TENM4: variants seen among roughly 807,000 people sequenced by gnomAD.
The protein encoded by TENM4 is teneurin-4.
In TENM4, 82 loss-of-function variants were observed where a neutral mutation model predicts 243.3. The ratio of observed to expected loss-of-function variants is 0.34; its 90% CI spans 0.28 to 0.40. The LOEUF is 0.40. Ranked by LOEUF, TENM4 falls within the 10% of genes least tolerant of loss-of-function variation. TENM4 has a pLI of 1.00. For missense variants in TENM4, 3,138 were observed against 3,673.3 expected, an observed-to-expected ratio of 0.85 and a Z score of 3.77; for synonymous variants, 1,412 against 1,456.3, an observed-to-expected ratio of 0.97 and a Z score of 0.69.
chr11:79,282,415 A>G (rs1052737907), intron 2 of TENM4, among the ~76,000 whole-genome samples: 1 of 152,216 alleles, frequency 6.6e-6, no homozygotes, highest in African/African-American at 2.4e-5. Context: ...TGCTGAATAA[A>G]TGAATGGCCA....
At chr11:78,755,304 A>G (rs999296760) in intron 19 of TENM4, among the ~76,000 whole-genome samples, 5 of 152,026 alleles carry the variant, frequency 3.3e-5, no homozygotes, top group Non-Finnish European at 7.4e-5. Context: ...AGCTGGGAGT[A>G]TAGGTACCTG....
intron 2 of TENM4, among the ~76,000 whole-genome samples, chr11:79,280,640 C>A (rs1294443596): frequency 6.6e-6 from 1 of 152,232 alleles, no homozygotes; most frequent in African/African-American, 2.4e-5. Flanking sequence ...CGTGTCCCTG[C>A]CTCCAAGCCT....
At chr11:79,169,249 T>C (rs1328659339) in intron 3 of TENM4, among the ~76,000 whole-genome samples, 1 of 152,164 alleles carries the variant, frequency 6.6e-6, no homozygotes, top group Non-Finnish European at 1.5e-5. Flanking sequence ...AAGTTTTGGG[T>C]AGTTTGTTAC....
rs185577532 is a variant in TENM4, at chr11:79,392,255, T to G, written c.-321+48254A>C. Reference sequence around the variant, plus strand: ...TTATGATGTTTGCTCACAGGGAAGTTCTGGGCAGAAACAGAAGACATGAGC... The same window carrying G: ...TTATGATGTTTGCTCACAGGGAAGTGCTGGGCAGAAACAGAAGACATGAGC... On this transcript the variant is annotated intron_variant, in intron 1 of 33. Coordinates refer to ENST00000278550, the MANE Select transcript of TENM4 (RefSeq NM_001098816.3). Among the ~76,000 whole-genome samples, 5 of 152,282 alleles carry G rather than the reference T, an allele frequency of 3.3e-5. 1 individual carries two copies. The highest frequency in any genetic ancestry group is 3.3e-4 in the Admixed American group (5 of 15,292).
chr11:78,692,737 A>G (rs1381958709), intron 28 of TENM4, among the ~76,000 whole-genome samples: 2 of 152,050 alleles, frequency 1.3e-5, no homozygotes, highest in Non-Finnish European at 1.5e-5. Flanking sequence ...TTCTCCCTGT[A>G]TCTGCTTCTG....
chr11:78,910,174 T>A (rs756728043), intron 6 of TENM4, among the ~76,000 whole-genome samples: 16 of 152,176 alleles, frequency 1.1e-4, no homozygotes, highest in Non-Finnish European at 2.1e-4. Flanking sequence ...GGTGCCAGGC[T>A]GAGTGCCCAC....
At chr11:79,101,452 G>T (rs1360074171) in intron 4 of TENM4, among the ~76,000 whole-genome samples, 2 of 152,216 alleles carry the variant, frequency 1.3e-5, no homozygotes, top group Non-Finnish European at 2.9e-5. Context: ...TAACACACAG[G>T]GTCCTGGCTT....
At chr11:78,721,937 T>C (rs1422630917) in intron 24 of TENM4, among the ~76,000 whole-genome samples, 2 of 152,166 alleles carry the variant, frequency 1.3e-5, no homozygotes, top group East Asian at 3.9e-4. Flanking sequence ...TAGGGAGGCA[T>C]AGAGAAAAAT....
chr11:78,856,163 A>C lies in TENM4; in HGVS notation c.1271T>G (p.Phe424Cys). ...ATCTATGAAACTGTCCTCTGGAAAG[A>C]AACTACTGGGCTTTCCTACCAAGAT... ...KGTTEGKPSS[F>C]FPEDSFIDSG... is the part of the protein sequence containing the mutation. The change falls in exon 11 of 34, where the codon TTC becomes TGC. Residue 424 changes from phenylalanine to cysteine, a missense_variant. Physicochemically the swap from Phe to Cys is radical, Grantham distance 205. Coordinates refer to ENST00000278550, the MANE Select transcript of TENM4 (RefSeq NM_001098816.3). The C allele has an allele frequency of 6.4e-7, 1 of 1,551,600 alleles. No homozygotes were observed. The highest frequency in any genetic ancestry group is 8.7e-7 in the Non-Finnish European group (1 of 1,146,918).
Position 79,175,512 on chromosome 11 carries a change from C to T in TENM4, c.-162-26706G>A, listed in dbSNP as rs1468992075. Among the ~76,000 whole-genome samples the T allele has an allele frequency of 3.9e-5, 6 of 152,092 alleles. No homozygotes were observed. The East Asian group carries it at 1.2e-3, about 29-fold the overall frequency. On this transcript the variant is annotated intron_variant, in intron 3 of 33. Transcript: ENST00000278550. ...CAGGACGCAATACAATGCAGCCTTACAAAATAAGCCTAAGAGATGAATATT... is the reference window on the plus strand; with the variant it reads ...CAGGACGCAATACAATGCAGCCTTATAAAATAAGCCTAAGAGATGAATATT...
chr11:79,032,786 G>A (rs551485569), intron 6 of TENM4, among the ~76,000 whole-genome samples: 3 of 152,264 alleles, frequency 2.0e-5, no homozygotes, highest in African/African-American at 7.2e-5. Flanking sequence ...CTCCCCTAAT[G>A]TCCCAAGGAA....
In TENM4 at chr11:78,995,693, C is replaced by CT. The variant is rs1338103363; in HGVS notation, c.493+69044dup. Among the ~76,000 whole-genome samples the CT allele has an allele frequency of 3.7e-3, 517 of 140,574 alleles. 2 individuals are homozygous for CT. Among genetic ancestry groups the CT allele is most frequent in the African/African-American group, 5.7e-3 (220 of 38,582 alleles). 92.2% of individuals were successfully genotyped at this position (140,574 alleles called of 152,430 possible). ...TTAGAATGGGCCTTGAACATCACTG[C>CT]TTTTTTTTTTTTTTCTTAATATATG... is the stretch of plus-strand genomic sequence containing the variant. On this transcript the variant is annotated intron_variant, in intron 6 of 33. Transcript: ENST00000278550.
intron 3 of TENM4, among the ~76,000 whole-genome samples, chr11:79,161,294 T>G (rs1862741714): frequency 6.6e-6 from 1 of 152,220 alleles, no homozygotes; most frequent in Non-Finnish European, 1.5e-5. Flanking sequence ...ATGGGAACAC[T>G]CTTGCCTTAC....
In TENM4 at chr11:78,683,415, C is replaced by G. The variant is rs1431875464; in HGVS notation, c.5260+4639G>C. Among the ~76,000 whole-genome samples, 4 of 68,480 alleles carry G rather than the reference C, an allele frequency of 5.8e-5. No individual in the cohort carries two copies. In the South Asian group the frequency reaches 1.4e-3, roughly 24 times the overall value. The allele number at this position is 68,480 out of a possible 152,430, so 44.9% of individuals were successfully genotyped here. On this transcript the variant is annotated intron_variant, in intron 29 of 33. Transcript: ENST00000278550. ...TGCAGTTTGATCTCAGACTGCTGTG[C>G]TAGCAATCAGCGAGATTCCGTGGGC...
chr11:78,865,289 C>T (rs1025814051), intron 9 of TENM4, among the ~76,000 whole-genome samples: 3 of 152,172 alleles, frequency 2.0e-5, no homozygotes, highest in Non-Finnish European at 2.9e-5. Flanking sequence ...AATTAACACA[C>T]GCAAGGTTAA....
chr11:78,946,951 G>A (rs1857012573), intron 6 of TENM4, among the ~76,000 whole-genome samples: 1 of 152,210 alleles, frequency 6.6e-6, no homozygotes, highest in African/African-American at 2.4e-5. Context: ...AACTACTCTT[G>A]ATGAAGATGC....
At chr11:78,769,826 G>A (rs766923573) in intron 18 of TENM4, among the ~76,000 whole-genome samples, 1 of 152,224 alleles carries the variant, frequency 6.6e-6, no homozygotes, top group Non-Finnish European at 1.5e-5. Context: ...ACAGTGCTCC[G>A]AAACAGCCCT....
intron 19 of TENM4, among the ~76,000 whole-genome samples, chr11:78,741,867 C>G (rs569619183): frequency 3.3e-5 from 5 of 152,152 alleles, no homozygotes; most frequent in African/African-American, 1.2e-4. Flanking sequence ...TCACTGTCAC[C>G]GACTTGGCTT....
chr11:79,185,491 G>C lies in TENM4; in HGVS notation c.-163+30317C>G, dbSNP rs183268390. On this transcript the variant is annotated intron_variant, in intron 3 of 33. Coordinates refer to ENST00000278550, the MANE Select transcript of TENM4 (RefSeq NM_001098816.3). The stretch of plus-strand genomic sequence containing the variant: ...GCATCCAACAGGATAACTGGGCCCA[G>C]TTAAATCACCAGCCAATTTTCATAT... Among the ~76,000 whole-genome samples the C allele has an allele frequency of 5.9e-5, 9 of 152,336 alleles. No individual in the cohort carries two copies. The East Asian group carries it at 1.7e-3, about 29-fold the overall frequency.
Sources: gnomAD v4.1 joint callset for allele counts (sites outside exome capture counted in the v4.1 genomes callset) on GRCh38, gnomAD v4.1.1 for gene constraint, MANE v1.5 for transcripts, NCBI Gene and HGNC (gene_info 2026-07-23, HGNC 2026-07-21) for gene names.